The following FRMD4A variants were observed in gnomAD, a reference collection of about 807,000 sequenced individuals.
FRMD4A encodes FERM domain-containing protein 4A.
FRMD4A carries 29 observed loss-of-function variants against 129.1 expected under a neutral mutation model. The ratio of observed to expected loss-of-function variants is 0.22; its 90% CI spans 0.17 to 0.31. The LOEUF is 0.31. FRMD4A is among the 10% of genes least tolerant of loss of function. The pLI, the probability that FRMD4A is intolerant of heterozygous loss-of-function variation, is 1.00. For missense variants in FRMD4A, 1,272 were observed against 1,375.8 expected (o/e 0.92, Z 1.19); for synonymous variants, 634 against 571.6 (o/e 1.11, Z -1.56).
chr10:13,863,282 A>G (rs921516298), intron 2 of FRMD4A, among the ~76,000 whole-genome samples: 9 of 152,236 alleles, frequency 5.9e-5, no homozygotes, highest in African/African-American at 2.2e-4. Flanking sequence ...ACAGCAGACT[A>G]TCACTGATAT....
intron 12 of FRMD4A, among the ~76,000 whole-genome samples, chr10:13,736,957 T>G (rs2135039823): frequency 6.6e-6 from 1 of 152,304 alleles, no homozygotes; most frequent in East Asian, 1.9e-4. Context: ...CCATTTTGGG[T>G]TTACAAGGAC....
intron 2 of FRMD4A, among the ~76,000 whole-genome samples, chr10:14,151,779 G>A (rs12765358): frequency 0.2 from 30,669 of 152,018 alleles, 3,150 homozygotes; most frequent in Admixed American, 0.24. Context: ...TGTAGACTAA[G>A]TTTTGGAGAT....
At chr10:13,866,885 T>C (rs1589091559) in intron 2 of FRMD4A, among the ~76,000 whole-genome samples, 1 of 152,048 alleles carries the variant, frequency 6.6e-6, no homozygotes. Context: ...GAGGCGGAGG[T>C]TGCAGTGAGC....
chr10:13,838,929 T>G (rs2093919938), intron 3 of FRMD4A, among the ~76,000 whole-genome samples: 1 of 151,392 alleles, frequency 6.6e-6, no homozygotes, highest in African/African-American at 2.4e-5. Flanking sequence ...AACCATCCAA[T>G]GATGATTAAG....
At chr10:14,079,637 G>T (rs1258833898) in intron 2 of FRMD4A, among the ~76,000 whole-genome samples, 2 of 152,194 alleles carry the variant, frequency 1.3e-5, no homozygotes, top group Non-Finnish European at 2.9e-5. Context: ...ATGTGTTGGT[G>T]TGATTCTGTG....
chr10:14,225,656 A>C (rs565314142), intron 2 of FRMD4A, among the ~76,000 whole-genome samples: 1 of 152,282 alleles, frequency 6.6e-6, no homozygotes, highest in South Asian at 2.1e-4. Flanking sequence ...TTGCAGCCTG[A>C]TCTCATTACA....
chr10:13,873,465 A>G (rs566347137), intron 2 of FRMD4A, among the ~76,000 whole-genome samples: 26 of 152,252 alleles, frequency 1.7e-4, no homozygotes, highest in Non-Finnish European at 3.5e-4. Flanking sequence ...AGTGTGTATG[A>G]GGAATATTTC....
intron 15 of FRMD4A, chr10:13,685,517 T>C: frequency 6.1e-6 from 6 of 985,380 alleles, no homozygotes; most frequent in Non-Finnish European, 7.2e-6. Flanking sequence ...CCAAGCTTGT[T>C]AGGCTATTGC....
chr10:13,732,056 A>T (rs1156465931), intron 12 of FRMD4A, among the ~76,000 whole-genome samples: 1 of 152,176 alleles, frequency 6.6e-6, no homozygotes, highest in Non-Finnish European at 1.5e-5. Context: ...TCTGAAGGCC[A>T]GGAGGCTGTC....
rs138858492 is a variant in FRMD4A, at chr10:13,703,136, C to T, written c.837-1658G>A. Among the ~76,000 whole-genome samples, 13 of 152,108 alleles carry T rather than the reference C, an allele frequency of 8.5e-5. No individual in the cohort carries two copies. The South Asian group carries it at 2.3e-3, about 27-fold the overall frequency. ...CCAGAAAAGCTGAATTAGACAAGAA[C>T]AGTATCTTGAAAGGTGGTGCAAGGC... On this transcript the variant is annotated intron_variant, in intron 13 of 24. Coordinates refer to ENST00000357447, the MANE Select transcript of FRMD4A (RefSeq NM_018027.5).
chr10:13,972,524 G>A (rs1166079224), intron 2 of FRMD4A, among the ~76,000 whole-genome samples: 1 of 152,120 alleles, frequency 6.6e-6, no homozygotes, highest in Non-Finnish European at 1.5e-5. Flanking sequence ...AGGAGGTAAA[G>A]TCAACCTATC....
intron 2 of FRMD4A, among the ~76,000 whole-genome samples, chr10:13,938,481 A>G (rs1373810893): frequency 6.6e-6 from 1 of 152,076 alleles, no homozygotes; most frequent in Non-Finnish European, 1.5e-5. Context: ...GAGCTCAGGC[A>G]ATCCATCCAC....
intron 2 of FRMD4A, among the ~76,000 whole-genome samples, chr10:14,295,455 C>G (rs1430836598): frequency 6.6e-6 from 1 of 152,178 alleles, no homozygotes; most frequent in African/African-American, 2.4e-5. Flanking sequence ...TCACCCTAGT[C>G]CCATTTCTTG....
intron 2 of FRMD4A, among the ~76,000 whole-genome samples, chr10:14,118,800 T>G (rs1838337922): frequency 6.6e-6 from 1 of 152,144 alleles, no homozygotes. Flanking sequence ...TACCTCCCCT[T>G]GGCCCCACCC....
At chr10:13,954,549 G>A (rs2095396412) in intron 2 of FRMD4A, among the ~76,000 whole-genome samples, 1 of 152,118 alleles carries the variant, frequency 6.6e-6, no homozygotes, top group Non-Finnish European at 1.5e-5. Context: ...ATGAGATTTG[G>A]GTGGGGACAC....
chr10:13,820,028 G>GT (rs2093606241), intron 3 of FRMD4A, among the ~76,000 whole-genome samples: 1 of 152,138 alleles, frequency 6.6e-6, no homozygotes, highest in Non-Finnish European at 1.5e-5. Context: ...GATACAGAGG[G>GT]TTTTTTAAAA....
At chr10:14,095,418 G>A (rs1810107875) in intron 2 of FRMD4A, among the ~76,000 whole-genome samples, 1 of 152,198 alleles carries the variant, frequency 6.6e-6, no homozygotes, top group Non-Finnish European at 1.5e-5. Flanking sequence ...GCCACTCACT[G>A]ATTTGATGCC....
intron 2 of FRMD4A, among the ~76,000 whole-genome samples, chr10:14,004,177 G>A (rs977291570): frequency 6.6e-6 from 1 of 152,198 alleles, no homozygotes; most frequent in African/African-American, 2.4e-5. Context: ...GCTTTAGCAA[G>A]CGAATAGCCC....
rs77503367 is a variant in FRMD4A, at chr10:13,731,228, G to T, written c.759+6616C>A. Reference sequence around the variant, plus strand: ...GGGATGTCCCCAAGTGTCACATAGCGTTTGAGTATAAACAGGAGATCAGAA... The same window carrying T: ...GGGATGTCCCCAAGTGTCACATAGCTTTTGAGTATAAACAGGAGATCAGAA... On this transcript the variant is annotated intron_variant, in intron 12 of 24. Coordinates refer to ENST00000357447, the MANE Select transcript of FRMD4A (RefSeq NM_018027.5). Among the ~76,000 whole-genome samples the T allele has an allele frequency of 0.011, 1,606 of 152,264 alleles. 62 individuals carry two copies. The East Asian group carries it at 0.12, about 11-fold the overall frequency.
Sources: allele counts gnomAD v4.1 joint callset (sites outside exome capture counted in the v4.1 genomes callset), GRCh38; gene constraint gnomAD v4.1.1; transcripts MANE v1.5; gene names NCBI Gene and HGNC (gene_info 2026-07-23, HGNC 2026-07-21).